Variants in SLCO1B1 observed in about 807,000 individuals in gnomAD.
SLCO1B1 encodes the protein OATP-2.
In SLCO1B1, 81 loss-of-function variants were observed where a neutral mutation model predicts 70.1. The ratio of observed to expected loss-of-function variants is 1.16; its 90% CI spans 0.97 to 1.39. The LOEUF (loss-of-function observed/expected upper bound fraction) is 1.39. SLCO1B1 is among the 40% of genes most tolerant of loss of function. The pLI, the probability that SLCO1B1 is intolerant of heterozygous loss-of-function variation, is 0.00. For missense variants in SLCO1B1, 895 were observed against 799.6 expected (o/e 1.12, Z -1.44); for synonymous variants, 283 against 271.5 (o/e 1.04, Z -0.42).
intron 7 of SLCO1B1, among the ~76,000 whole-genome samples, chr12:21,195,087 A>G (rs552112372): frequency 6.6e-6 from 1 of 152,212 alleles, no homozygotes; most frequent in Non-Finnish European, 1.5e-5. Context: ...AACATTGGAT[A>G]TTACATTTCA....
intron 7 of SLCO1B1, among the ~76,000 whole-genome samples, chr12:21,181,332 G>A (rs550153602): frequency 6.9e-4 from 105 of 151,900 alleles, no homozygotes; most frequent in African/African-American, 2.5e-3. Context: ...AACAGTGAAA[G>A]AACAGAAAAA....
intron 10 of SLCO1B1, among the ~76,000 whole-genome samples, 197 bp from the exon 11 acceptor site, chr12:21,205,671 C>T (rs572900190): frequency 7.3e-5 from 11 of 150,928 alleles, no homozygotes; most frequent in Non-Finnish European, 1.2e-4. Flanking sequence ...AGATGGAGAG[C>T]GTAAAATAAA....
At chr12:21,227,808 CTA>C (rs35706009) in intron 14 of SLCO1B1, among the ~76,000 whole-genome samples, 19,439 of 151,960 alleles carry the variant, frequency 0.13, 1,603 homozygotes, top group Non-Finnish European at 0.18. Context: ...GACCCTAAAA[CTA>C]TTTTTTAAGC....
intron 14 of SLCO1B1, among the ~76,000 whole-genome samples, chr12:21,233,567 C>CAAAAA (rs1445198484): frequency 4.8e-4 from 56 of 116,612 alleles, no homozygotes; most frequent in Admixed American, 1.4e-3. Flanking sequence ...AAAAAACAAA[C>CAAAAA]AAACAAAAAA....
intron 8 of SLCO1B1, among the ~76,000 whole-genome samples, chr12:21,198,910 G>T (rs544341564): frequency 6.6e-6 from 1 of 152,044 alleles, no homozygotes; most frequent in African/African-American, 2.4e-5. Context: ...AAAATGCAAC[G>T]CTTGTGTGAA....
chr12:21,186,687 A>AT (rs1327973309), intron 7 of SLCO1B1, among the ~76,000 whole-genome samples: 1 of 152,082 alleles, frequency 6.6e-6, no homozygotes, highest in East Asian at 1.9e-4. Flanking sequence ...GGAAAAAAAA[A>AT]GGAAATTCAT....
chr12:21,158,946 G>A (rs1940576965), intron 2 of SLCO1B1, among the ~76,000 whole-genome samples: 1 of 151,972 alleles, frequency 6.6e-6, no homozygotes, highest in Non-Finnish European at 1.5e-5. Flanking sequence ...GAAATTAATA[G>A]AGCAAAGCTA....
chr12:21,168,633 A>G (rs1940721351), intron 2 of SLCO1B1, among the ~76,000 whole-genome samples: 1 of 152,138 alleles, frequency 6.6e-6, no homozygotes, highest in Non-Finnish European at 1.5e-5. Context: ...TTTCCCTGAT[A>G]AGTAGAAAGT....
intron 7 of SLCO1B1, among the ~76,000 whole-genome samples, chr12:21,182,399 G>T (rs1341824349): frequency 6.6e-6 from 1 of 152,118 alleles, no homozygotes. Flanking sequence ...GCAGCAGAAC[G>T]CAGCCATAGG....
At chr12:21,150,055 T>A (rs1174787859) in intron 2 of SLCO1B1, among the ~76,000 whole-genome samples, 1 of 151,948 alleles carries the variant, frequency 6.6e-6, no homozygotes, top group African/African-American at 2.4e-5. Context: ...AGTAGGTGCT[T>A]TTCCCTCACA....
intron 14 of SLCO1B1, among the ~76,000 whole-genome samples, chr12:21,230,607 G>T (rs1430485349): frequency 6.6e-6 from 1 of 152,076 alleles, no homozygotes; most frequent in Non-Finnish European, 1.5e-5. Context: ...TGGCATTGCA[G>T]GTGTGAGTCA....
chr12:21,159,120 AAC>A (rs1478576214), intron 2 of SLCO1B1, among the ~76,000 whole-genome samples: 3 of 152,174 alleles, frequency 2.0e-5, no homozygotes, highest in Non-Finnish European at 2.9e-5. Flanking sequence ...TGTGATAGTA[AAC>A]ACATGCATAA....
chr12:21,155,007 G>C (rs1344886123), intron 2 of SLCO1B1, among the ~76,000 whole-genome samples: 1 of 151,450 alleles, frequency 6.6e-6, no homozygotes, highest in Non-Finnish European at 1.5e-5. Flanking sequence ...TCTTGTCTTT[G>C]ATATTCATAA....
At chr12:21,194,856 G>C (rs1460166201) in intron 7 of SLCO1B1, among the ~76,000 whole-genome samples, 1 of 152,226 alleles carries the variant, frequency 6.6e-6, no homozygotes, top group African/African-American at 2.4e-5. Flanking sequence ...CATTATCTCA[G>C]ATTCTGAGGA....
At chr12:21,211,158 T>A (rs1941279220) in intron 11 of SLCO1B1, among the ~76,000 whole-genome samples, 2 of 152,206 alleles carry the variant, frequency 1.3e-5, no homozygotes, top group Non-Finnish European at 2.9e-5. Context: ...ACGGAATGCT[T>A]CCAGTTTTTG....
intron 1 of SLCO1B1, among the ~76,000 whole-genome samples, chr12:21,134,480 G>A (rs1436960345): frequency 6.6e-6 from 1 of 151,978 alleles, no homozygotes; most frequent in African/African-American, 2.4e-5. Context: ...TTTTTTGTTG[G>A]TAAGCTATTG....
intron 7 of SLCO1B1, among the ~76,000 whole-genome samples, chr12:21,188,951 T>C (rs1940994496): frequency 1.3e-5 from 2 of 152,328 alleles, no homozygotes; most frequent in South Asian, 4.1e-4. Flanking sequence ...ATATCCTTCT[T>C]TTTAAAGACT....
chr12:21,231,290 C>T (rs906334698), intron 14 of SLCO1B1, among the ~76,000 whole-genome samples: 1 of 152,000 alleles, frequency 6.6e-6, no homozygotes, highest in Non-Finnish European at 1.5e-5. Context: ...ACAAACTTGG[C>T]TTTTTGGCTA....
At chr12:21,178,869 A>G (rs1281386973) in intron 6 of SLCO1B1, 53 bp from the exon 7 acceptor site, 2 of 1,406,704 alleles carry the variant, frequency 1.4e-6, no homozygotes, top group Non-Finnish European at 2.0e-6. Flanking sequence ...AACATGGTGA[A>G]TAAGAACCAT....
Sources: gnomAD v4.1 joint callset for allele counts (sites outside exome capture counted in the v4.1 genomes callset) on GRCh38, gnomAD v4.1.1 for gene constraint, MANE v1.5 for transcripts, NCBI Gene and HGNC (gene_info 2026-07-23, HGNC 2026-07-21) for gene names.